Variants in ELAVL2 observed in about 807,000 individuals in gnomAD.
ELAVL2 encodes ELAV-like protein 2.
Under a neutral mutation model 34.6 loss-of-function variants are expected in ELAVL2, and 4 were observed. The ratio of observed to expected loss-of-function variants is 0.12; its 90% CI spans 0.06 to 0.26. The LOEUF is 0.26. Among genes scored for constraint, ELAVL2 ranks in the 10% least tolerant of loss-of-function variants. The pLI is 1.00. For missense variants in ELAVL2, 432 were observed against 442.8 expected (o/e 0.98, Z 0.22); for synonymous variants, 193 against 154.8 (o/e 1.25, Z -1.83).
At chr9:23,804,535 T>A (rs535696119) in intron 1 of ELAVL2, among the ~76,000 whole-genome samples, 74 of 152,308 alleles carry the variant, frequency 4.9e-4, no homozygotes, top group Admixed American at 1.7e-3. Context: ...CCCCTACTGA[T>A]GAACATTCCA....
intron 1 of ELAVL2, chr9:23,821,768 C>CGCGCT: frequency 6.6e-6 from 1 of 151,606 alleles, no homozygotes; most frequent in East Asian, 2.0e-4. Flanking sequence ...CGCGCCGCGC[C>CGCGCT]GCGCCGCGCC....
chr9:23,738,859 A>T (rs574651991), intron 2 of ELAVL2, among the ~76,000 whole-genome samples: 6 of 152,270 alleles, frequency 3.9e-5, no homozygotes, highest in Admixed American at 1.3e-4. Context: ...TTTAATAGCC[A>T]TATCTGTCCC....
At chr9:23,752,730 C>T (rs920960586) in intron 2 of ELAVL2, among the ~76,000 whole-genome samples, 3 of 152,180 alleles carry the variant, frequency 2.0e-5, no homozygotes, top group African/African-American at 7.2e-5. Context: ...GCTGGAATTA[C>T]AGGCATGAGC....
chr9:23,753,914 C>G (rs2052824733), intron 2 of ELAVL2, among the ~76,000 whole-genome samples: 1 of 152,144 alleles, frequency 6.6e-6, no homozygotes, highest in Non-Finnish European at 1.5e-5. Context: ...TTTGTGTTTT[C>G]TATCAAACCA....
In ELAVL2 at chr9:23,701,241, G is replaced by A. The variant is rs1328688266; in HGVS notation, c.713+138C>T. On this transcript the variant is annotated intron_variant, in intron 5 of 6. Coordinates refer to ENST00000397312, the MANE Select transcript of ELAVL2 (RefSeq NM_004432.5). ...AGTAGATTCTCTCTGTGCCCATGGAGATGAAAAATTAATAGTAATAAAACC... is the reference window on the plus strand; with the variant it reads ...AGTAGATTCTCTCTGTGCCCATGGAAATGAAAAATTAATAGTAATAAAACC... 6.8e-6 allele frequency: 6 copies of A among 884,936 alleles called. No individual in the cohort carries two copies. The East Asian group carries it at 9.7e-5, about 14-fold the overall frequency. 54.8% of individuals were successfully genotyped at this position (884,936 alleles called of 1,614,324 possible).
chr9:23,839,857 T>C, the ELAVL2 span, among the ~76,000 whole-genome samples: 1 of 152,166 alleles, frequency 6.6e-6, no homozygotes, highest in Non-Finnish European at 1.5e-5. Context: ...TTCTTTCACA[T>C]GAATATAGTG....
chr9:23,731,140 G>T lies in ELAVL2; in HGVS notation c.230-15C>A. 1 of 1,604,254 alleles carries T rather than the reference G, an allele frequency of 6.2e-7. No homozygotes were observed. Among genetic ancestry groups the T allele is most frequent in the South Asian group, 1.1e-5 (1 of 88,862 alleles). ...CAAGCTCTGCCCTAATGAAAAGGAA[G>T]GGGAAAAAGGCATATATTAGTTCTA... On this transcript the variant is annotated splice_polypyrimidine_tract_variant and intron_variant, in intron 2 of 6. Transcript: ENST00000397312.
intron 2 of ELAVL2, among the ~76,000 whole-genome samples, chr9:23,759,778 A>ATATATATATATATATATAT (rs1220130983): frequency 7.2e-6 from 1 of 138,880 alleles, no homozygotes. Flanking sequence ...ATATATATAT[A>ATATATATATATATATATAT]TATATATATA....
At chr9:23,817,290 T>G (rs1345075564) in intron 1 of ELAVL2, among the ~76,000 whole-genome samples, 1 of 152,146 alleles carries the variant, frequency 6.6e-6, no homozygotes, top group African/African-American at 2.4e-5. Context: ...TGGTTTAGTT[T>G]TATCCCCATT....
At chr9:23,746,389 G>A (rs1462784457) in intron 2 of ELAVL2, among the ~76,000 whole-genome samples, 1 of 152,108 alleles carries the variant, frequency 6.6e-6, no homozygotes, top group Non-Finnish European at 1.5e-5. Flanking sequence ...GTTCTAGATT[G>A]TACACTGACT....
At chr9:23,725,275 A>G (rs111841415) in intron 3 of ELAVL2, among the ~76,000 whole-genome samples, 26 of 152,282 alleles carry the variant, frequency 1.7e-4, no homozygotes, top group African/African-American at 6.0e-4. Context: ...ACACACTTCT[A>G]TAACGCATAA....
intron 5 of ELAVL2, among the ~76,000 whole-genome samples, chr9:23,696,821 C>T (rs1427003213): frequency 6.6e-6 from 1 of 151,996 alleles, no homozygotes; most frequent in Middle Eastern, 3.2e-3. Flanking sequence ...AAATGGAGAG[C>T]AAGCTAGCTG....
chr9:23,847,662 A>C, the ELAVL2 span, among the ~76,000 whole-genome samples: 1 of 152,296 alleles, frequency 6.6e-6, no homozygotes, highest in Middle Eastern at 3.4e-3. Flanking sequence ...TTTTGTAGAA[A>C]AAAATTGGTA....
intron 1 of ELAVL2, among the ~76,000 whole-genome samples, chr9:23,794,236 T>C (rs953985549): frequency 6.6e-6 from 1 of 152,200 alleles, no homozygotes; most frequent in Non-Finnish European, 1.5e-5. Context: ...CAATGACATC[T>C]ACAATCAGGG....
At chr9:23,713,190 A>G in intron 3 of ELAVL2, among the ~76,000 whole-genome samples, 1 of 152,230 alleles carries the variant, frequency 6.6e-6, no homozygotes, top group East Asian at 1.9e-4. Context: ...TTCAACAAGG[A>G]CATCTCATAC....
chr9:23,793,069 C>G (rs1233716035), intron 1 of ELAVL2, among the ~76,000 whole-genome samples: 1 of 152,182 alleles, frequency 6.6e-6, no homozygotes, highest in African/African-American at 2.4e-5. Flanking sequence ...TGAGGCACCA[C>G]TGCCTGGCCT....
chr9:23,830,469 A>AT (rs1172719584), upstream of ELAVL2, among the ~76,000 whole-genome samples: 1 of 152,052 alleles, frequency 6.6e-6, no homozygotes, highest in African/African-American at 2.4e-5. Context: ...TTCCCCCCGA[A>AT]TCCTGAGGTT....
chr9:23,798,708 T>C (rs2061253286), intron 1 of ELAVL2, among the ~76,000 whole-genome samples: 1 of 152,134 alleles, frequency 6.6e-6, no homozygotes, highest in Admixed American at 6.6e-5. Flanking sequence ...TCTGTTCCTA[T>C]CCTTCAAAAC....
intron 1 of ELAVL2, among the ~76,000 whole-genome samples, chr9:23,804,899 A>C (rs2062022466): frequency 6.6e-6 from 1 of 152,186 alleles, no homozygotes; most frequent in Admixed American, 6.5e-5. Context: ...GCTGTTCAAC[A>C]CTATGGGTAG....
Sources: gnomAD v4.1 joint callset for allele counts (sites outside exome capture counted in the v4.1 genomes callset) on GRCh38, gnomAD v4.1.1 for gene constraint, MANE v1.5 for transcripts, NCBI Gene and HGNC (gene_info 2026-07-23, HGNC 2026-07-21) for gene names.